NRXN3: variants seen among roughly 807,000 people sequenced by gnomAD.
The protein encoded by NRXN3 is neurexin 3, also known as neurexin III.
NRXN3 carries 32 observed loss-of-function variants against 137.6 expected under a neutral mutation model. The ratio of observed to expected loss-of-function variants is 0.23; its 90% CI spans 0.18 to 0.31. NRXN3 has a LOEUF of 0.31. NRXN3 is among the 10% of genes least tolerant of loss of function. The pLI is 1.00. For missense variants in NRXN3, 1,574 were observed against 2,062.5 expected (o/e 0.76, Z 4.59); for synonymous variants, 798 against 784.5 (o/e 1.02, Z -0.29).
chr14:79,471,194 G>A (rs1419104003), intron 16 of NRXN3, among the ~76,000 whole-genome samples: 2 of 152,122 alleles, frequency 1.3e-5, no homozygotes, highest in African/African-American at 2.4e-5. Flanking sequence ...CCTGGGGTAA[G>A]CACCCACTCT....
At chr14:78,438,234 G>A (rs1382467057) in intron 4 of NRXN3, among the ~76,000 whole-genome samples, 2 of 152,192 alleles carry the variant, frequency 1.3e-5, no homozygotes, top group African/African-American at 4.8e-5. Context: ...AGGAATTTTG[G>A]AGATTCAGAT....
At position 79,754,622 on chromosome 14, in the gene NRXN3, GTATA is replaced by G. The variant is rs567944326; in HGVS notation, c.4015-50488_4015-50485del. On this transcript the variant is annotated intron_variant, in intron 19 of 20. Transcript: ENST00000335750. Reference sequence around the variant, plus strand: ...TACACACACATACACACACACGTATGTATATTTACATGTATTTATAAACTGATAT... The same window carrying G: ...TACACACACATACACACACACGTATGTTTACATGTATTTATAAACTGATAT... 1.2e-3 allele frequency among the ~76,000 whole-genome samples: 176 copies of G among 142,622 alleles called. 1 individual carries two copies. Among genetic ancestry groups the G allele is most frequent in the African/African-American group, 4.3e-3 (166 of 38,838 alleles). The allele number at this position is 142,622 out of a possible 152,430, so 93.6% of individuals were successfully genotyped here. A position where few individuals can be genotyped will look rare whatever the true frequency, so the allele number is the denominator to read the frequency against.
chr14:79,863,277 CTG>C lies in NRXN3; in HGVS notation c.*1316_*1317del, dbSNP rs1483607660. On this transcript the variant is annotated 3_prime_UTR_variant, in exon 21 of 21. Coordinates refer to ENST00000335750, the MANE Select transcript of NRXN3 (RefSeq NM_001330195.2). ...AAAAACAAATAAATGAATAAAGCTG[CTG>C]TGACACACACACAAAAGGAATTTAA... 6.6e-6 allele frequency: 1 copy of C among 151,408 alleles called. No individual in the cohort carries two copies. Among genetic ancestry groups the C allele is most frequent in the Non-Finnish European group, 1.5e-5 (1 of 67,856 alleles). The allele number at this position is 151,408 out of a possible 1,614,324, so 9.4% of individuals were successfully genotyped here.
intron 4 of NRXN3, among the ~76,000 whole-genome samples, chr14:78,309,791 G>C (rs1307812330): frequency 1.3e-5 from 2 of 152,104 alleles, no homozygotes; most frequent in Non-Finnish European, 2.9e-5. Context: ...ACTTTGGACA[G>C]CAATTTTATA....
chr14:79,316,697 C>T (rs1212430012), intron 15 of NRXN3, among the ~76,000 whole-genome samples: 1 of 151,142 alleles, frequency 6.6e-6, no homozygotes, highest in Non-Finnish European at 1.5e-5. Context: ...TTCTATTACA[C>T]TGGACTTTAT....
At chr14:79,126,339 G>A (rs61992504) in intron 15 of NRXN3, among the ~76,000 whole-genome samples, 48 of 49,650 alleles carry the variant, frequency 9.7e-4, no homozygotes, top group East Asian at 2.9e-3. Flanking sequence ...CCCACCCCAC[G>A]ACCGTCCCCA....
At chr14:79,376,040 A>C (rs1205580102) in intron 15 of NRXN3, among the ~76,000 whole-genome samples, 1 of 139,910 alleles carries the variant, frequency 7.1e-6, no homozygotes, top group African/African-American at 2.5e-5. Context: ...ACTTATATAT[A>C]AGTGTATATG....
At chr14:79,044,194 A>G (rs1172379841) in intron 15 of NRXN3, among the ~76,000 whole-genome samples, 1 of 152,202 alleles carries the variant, frequency 6.6e-6, no homozygotes, top group Admixed American at 6.5e-5. Flanking sequence ...TTCAACATCT[A>G]TCTCTGATTC....
intron 15 of NRXN3, among the ~76,000 whole-genome samples, chr14:79,327,335 C>G (rs1211980745): frequency 6.6e-6 from 1 of 152,092 alleles, no homozygotes; most frequent in Non-Finnish European, 1.5e-5. Flanking sequence ...ATTCTTGATT[C>G]AAGGGTCAAA....
At chr14:79,521,403 G>A (rs749960931) in intron 16 of NRXN3, among the ~76,000 whole-genome samples, 5 of 151,838 alleles carry the variant, frequency 3.3e-5, no homozygotes, top group Non-Finnish European at 2.9e-5. Context: ...CCACACTCAG[G>A]GCTTTTGGAT....
intron 5 of NRXN3, among the ~76,000 whole-genome samples, chr14:78,648,082 A>T (rs1181054401): frequency 6.6e-6 from 1 of 152,190 alleles, no homozygotes; most frequent in South Asian, 2.1e-4. Context: ...TTTGCCTTTA[A>T]GCCAGGTCAG....
chr14:78,187,739 G>A (rs1216548173), intron 1 of NRXN3, among the ~76,000 whole-genome samples: 4 of 150,330 alleles, frequency 2.7e-5, no homozygotes, highest in Non-Finnish European at 1.5e-5. Context: ...AGGAGCTGAA[G>A]AAGTGAGAGT....
At chr14:78,898,822 G>A (rs1395140071) in intron 10 of NRXN3, among the ~76,000 whole-genome samples, 1 of 151,774 alleles carries the variant, frequency 6.6e-6, no homozygotes, top group Non-Finnish European at 1.5e-5. Flanking sequence ...GAACATCTTG[G>A]TCTAGCATAG....
intron 15 of NRXN3, among the ~76,000 whole-genome samples, chr14:79,445,349 A>AC (rs1423583698): frequency 6.6e-6 from 1 of 151,604 alleles, no homozygotes; most frequent in Non-Finnish European, 1.5e-5. Context: ...AAAAAAAAAA[A>AC]GAAAGAAAGA....
chr14:78,590,209 G>A (rs986752887), intron 4 of NRXN3, among the ~76,000 whole-genome samples: 2 of 152,164 alleles, frequency 1.3e-5, no homozygotes, highest in Non-Finnish European at 2.9e-5. Context: ...GATTCATGCA[G>A]GTTGGACAGT....
chr14:79,095,055 G>A (rs563980169), intron 15 of NRXN3, among the ~76,000 whole-genome samples: 1 of 148,552 alleles, frequency 6.7e-6, no homozygotes, highest in South Asian at 2.2e-4. Flanking sequence ...AGGTCATTTT[G>A]TTGAATGTAA....
rs1391197126 is a variant in NRXN3 at position 78,995,473 on chromosome 14, A to G, written c.3262+7332A>G. On this transcript the variant is annotated intron_variant, in intron 15 of 20. Coordinates refer to ENST00000335750, the MANE Select transcript of NRXN3 (RefSeq NM_001330195.2). ...ATCATGACTCTGTCCCTTAATATCT[A>G]TGTTACCTTGGACATGATAATTACA... 2.0e-5 allele frequency among the ~76,000 whole-genome samples: 3 copies of G among 152,248 alleles called. No homozygotes were observed. In the East Asian group the frequency reaches 5.8e-4, roughly 29 times the overall value.
chr14:79,430,759 T>G (rs1410686436), intron 15 of NRXN3, among the ~76,000 whole-genome samples: 1 of 152,174 alleles, frequency 6.6e-6, no homozygotes, highest in Admixed American at 6.6e-5. Context: ...TTTTTAAAGT[T>G]ATTGTTTGAG....
intron 19 of NRXN3, among the ~76,000 whole-genome samples, chr14:79,747,275 C>G (rs2098982614): frequency 6.6e-6 from 1 of 152,006 alleles, no homozygotes; most frequent in African/African-American, 2.4e-5. Context: ...TAGGATTTTA[C>G]TTTTAGTGTA....
Sources: allele counts gnomAD v4.1 joint callset (sites outside exome capture counted in the v4.1 genomes callset), GRCh38; gene constraint gnomAD v4.1.1; transcripts MANE v1.5; gene names NCBI Gene and HGNC (gene_info 2026-07-23, HGNC 2026-07-21).